LRRC37A2: variants seen among roughly 807,000 people sequenced by gnomAD.
The protein encoded by LRRC37A2 is leucine-rich repeat-containing protein 37A2.
LRRC37A2 carries 9 observed loss-of-function variants against 68.8 expected under a neutral mutation model. The observed-to-expected ratio is 0.13, with a 90% CI of 0.08 to 0.23. The LOEUF is 0.23. Among genes scored for constraint, LRRC37A2 ranks in the 10% least tolerant of loss-of-function variants. The pLI is 1.00. For synonymous variants in LRRC37A2, 63 were observed against 367.6 expected, an observed-to-expected ratio of 0.17 and a Z score of 9.48; for missense variants, 168 against 950.4, an observed-to-expected ratio of 0.18 and a Z score of 10.82.
At chr17:46,862,175 A>G in the LRRC37A2 span, among the ~76,000 whole-genome samples, 1 of 150,748 alleles carries the variant, frequency 6.6e-6, no homozygotes, top group Admixed American at 6.6e-5. Context: ...AAAAAAAAAA[A>G]AAAAGAAAAA....
At chr17:46,985,201 A>C in the LRRC37A2 span, among the ~76,000 whole-genome samples, 2 of 152,176 alleles carry the variant, frequency 1.3e-5, no homozygotes, top group Non-Finnish European at 2.9e-5. Context: ...GCCCCTGCTC[A>C]GTTTACCTAC....
chr17:46,838,618 C>A, the LRRC37A2 span, among the ~76,000 whole-genome samples: 4 of 151,842 alleles, frequency 2.6e-5, no homozygotes, highest in African/African-American at 9.7e-5. Flanking sequence ...CAGAGCGAGA[C>A]CCTGTCTCAA....
At chr17:46,931,737 AG>A in the LRRC37A2 span, 1 of 387,358 alleles carries the variant, frequency 2.6e-6, no homozygotes, top group Non-Finnish European at 4.7e-6. Flanking sequence ...GGCTTCTTCC[AG>A]GAGAGCCATA....
chr17:46,814,924 G>A, the LRRC37A2 span, among the ~76,000 whole-genome samples: 1 of 152,210 alleles, frequency 6.6e-6, no homozygotes, highest in Non-Finnish European at 1.5e-5. Flanking sequence ...GAACTCAGGT[G>A]TGCTATTTCC....
At chr17:46,779,575 G>A in the LRRC37A2 span, among the ~76,000 whole-genome samples, 3 of 152,192 alleles carry the variant, frequency 2.0e-5, no homozygotes, top group Non-Finnish European at 4.4e-5. Context: ...CAGGCTGCTT[G>A]TGGAAACTTT....
At chr17:46,770,053 G>A in the LRRC37A2 span, 3 of 1,540,574 alleles carry the variant, frequency 1.9e-6, no homozygotes, top group African/African-American at 1.4e-5. Context: ...GGGTGGCTGC[G>A]GGGAGGTCGT....
the LRRC37A2 span, chr17:46,929,472 C>T: frequency 1.1e-6 from 1 of 932,276 alleles, no homozygotes. Flanking sequence ...GACTGAAGCG[C>T]TGTTGATTAC....
chr17:46,755,978 C>G, the LRRC37A2 span: 1 of 669,846 alleles, frequency 1.5e-6, no homozygotes, highest in African/African-American at 1.8e-5. Flanking sequence ...ATAAAACTCC[C>G]TTCCTTATGC....
the LRRC37A2 span, among the ~76,000 whole-genome samples, chr17:46,707,864 T>G: frequency 6.6e-6 from 1 of 151,934 alleles, no homozygotes; most frequent in Non-Finnish European, 1.5e-5. Flanking sequence ...AAACCCCATC[T>G]CTACTAAAAA....
the LRRC37A2 span, among the ~76,000 whole-genome samples, chr17:46,493,952 CCA>C: frequency 6.6e-6 from 1 of 151,078 alleles, no homozygotes; most frequent in Non-Finnish European, 1.5e-5. Context: ...GGTGATCCTC[CCA>C]CCACCTCAGC....
chr17:46,818,745 A>G, the LRRC37A2 span: 2 of 816,952 alleles, frequency 2.4e-6, no homozygotes, highest in Admixed American at 2.1e-5. Flanking sequence ...CCCCCTCCCG[A>G]GCCCAGCGCG....
the LRRC37A2 span, chr17:46,922,897 A>T: frequency 4.5e-5 from 24 of 530,240 alleles, no homozygotes; most frequent in African/African-American, 4.2e-4. Flanking sequence ...GTATCCCGCG[A>T]TTGTCCTTCC....
At chr17:46,789,886 C>T in the LRRC37A2 span, among the ~76,000 whole-genome samples, 32 of 152,218 alleles carry the variant, frequency 2.1e-4, no homozygotes, top group Non-Finnish European at 3.4e-4. Flanking sequence ...CTCAGGGCAA[C>T]GATTCCACTC....
chr17:46,877,354 C>T, the LRRC37A2 span, among the ~76,000 whole-genome samples: 2 of 152,216 alleles, frequency 1.3e-5, no homozygotes, highest in Non-Finnish European at 2.9e-5. Context: ...GAGATCTGTG[C>T]CCTGGAGCCC....
chr17:46,768,407 C>T, the LRRC37A2 span: 1 of 1,613,956 alleles, frequency 6.2e-7, no homozygotes. This position sits in a 1 kb window ranked among gnomAD's most constrained non-coding sequence, Gnocchi z 5.0. Context: ...GGCATTTTTC[C>T]TTCCGCTTCT....
At chr17:46,816,591 A>G in the LRRC37A2 span, among the ~76,000 whole-genome samples, 23 of 152,114 alleles carry the variant, frequency 1.5e-4, 1 homozygote, top group South Asian at 4.8e-3. Flanking sequence ...GTCTAGCATT[A>G]TGTTAGGGCC....
At chr17:46,859,333 C>T in the LRRC37A2 span, among the ~76,000 whole-genome samples, 1 of 152,194 alleles carries the variant, frequency 6.6e-6, no homozygotes, top group African/African-American at 2.4e-5. Context: ...GTGTGTACAG[C>T]ATGGAGTAAG....
chr17:47,018,162 G>C, the LRRC37A2 span: 1 of 1,593,440 alleles, frequency 6.3e-7, no homozygotes, highest in Admixed American at 1.7e-5. Context: ...AACCCAGCAG[G>C]AGACCCCAAT....
chr17:47,008,644 T>G, the LRRC37A2 span, among the ~76,000 whole-genome samples: 1 of 151,666 alleles, frequency 6.6e-6, no homozygotes, highest in Non-Finnish European at 1.5e-5. Context: ...TGTTTTGTTT[T>G]GTTTTTTGTA....
Sources: gnomAD v4.1 joint callset for allele counts (sites outside exome capture counted in the v4.1 genomes callset) on GRCh38, gnomAD v4.1.1 for gene constraint, Gnocchi (gnomAD v3.1) non-coding constraint, MANE v1.5 for transcripts, NCBI Gene and HGNC (gene_info 2026-07-23, HGNC 2026-07-21) for gene names.